The following MON2 variants were observed in gnomAD, a reference collection of about 807,000 sequenced individuals.
MON2 encodes MON2 regulator of endosome-to-Golgi trafficking.
MON2 carries 84 observed loss-of-function variants against 208.6 expected under a neutral mutation model. The observed-to-expected ratio is 0.40, with a 90% CI of 0.34 to 0.48. The LOEUF is 0.48. MON2 is among the 20% of genes least tolerant of loss of function. The pLI is 0.59. For synonymous variants in MON2, 660 were observed against 694.0 expected (o/e 0.95, Z 0.77); for missense variants, 1,611 against 2,015.4 (o/e 0.80, Z 3.84).
chr12:62,560,608 T>C lies in MON2; in HGVS notation c.3527T>C (p.Val1176Ala), dbSNP rs1369361884. The change falls in exon 26 of 35, where the codon GTG becomes GCG. Residue 1176 changes from valine to alanine, a missense_variant. Val to Ala is a moderately conservative substitution (Grantham distance 64). Coordinates refer to ENST00000393630, the MANE Select transcript of MON2 (RefSeq NM_015026.3). ...AGCTTCCAGGAAATTTTACAGATTG[T>C]GTCCCCTGTCAGAGACTCAGATAAG... ...LKSFQEILQI[V>A]SPVRDSDKPE... 2.5e-6 allele frequency: 4 copies of C among 1,614,028 alleles called. No homozygotes were observed. Among genetic ancestry groups the C allele is most frequent in the Non-Finnish European group, 3.4e-6 (4 of 1,180,012 alleles).
intron 24 of MON2, among the ~76,000 whole-genome samples, chr12:62,555,239 G>T (rs2073914652): frequency 6.6e-6 from 1 of 151,562 alleles, no homozygotes; most frequent in South Asian, 2.1e-4. Context: ...GCAGTGGCAT[G>T]ATCACAGCTC....
chr12:62,596,166 C>T lies in MON2; in HGVS notation c.*3417C>T, dbSNP rs1409585621. 6.6e-6 allele frequency: 1 copy of T among 152,158 alleles called. No homozygotes were observed. The highest frequency in any genetic ancestry group is 1.5e-5 in the Non-Finnish European group (1 of 68,022). 9.4% of individuals were successfully genotyped at this position (152,158 alleles called of 1,614,324 possible). A position where few individuals can be genotyped will look rare whatever the true frequency, so the allele number is the denominator to read the frequency against. On this transcript the variant is annotated 3_prime_UTR_variant, in exon 35 of 35. Coordinates refer to ENST00000393630, the MANE Select transcript of MON2 (RefSeq NM_015026.3). Reference sequence around the variant, plus strand: ...GGATGAATTAGCATAAGTTATGGAACAGTGTTAGAAAACAACTCAAAAGTA... The same window carrying T: ...GGATGAATTAGCATAAGTTATGGAATAGTGTTAGAAAACAACTCAAAAGTA...
chr12:62,486,248 CTT>C (rs966920137), intron 2 of MON2, among the ~76,000 whole-genome samples: 1 of 127,910 alleles, frequency 7.8e-6, no homozygotes, highest in Non-Finnish European at 1.9e-5. Flanking sequence ...TTGTGGAAGA[CTT>C]TTTTTAAAAA....
intron 25 of MON2, among the ~76,000 whole-genome samples, chr12:62,557,030 G>A (rs2073993022): frequency 6.6e-6 from 1 of 151,886 alleles, no homozygotes; most frequent in Non-Finnish European, 1.5e-5. Context: ...GGTTGCTGCA[G>A]TTAGCCAAGA....
chr12:62,578,955 G>T (rs970690417), intron 31 of MON2, among the ~76,000 whole-genome samples: 1 of 152,082 alleles, frequency 6.6e-6, no homozygotes, highest in Non-Finnish European at 1.5e-5. Flanking sequence ...ATATTTTGAG[G>T]CTGGGAACTG....
At chr12:62,513,506 A>G (rs1387911685) in intron 8 of MON2, among the ~76,000 whole-genome samples, 2 of 151,868 alleles carry the variant, frequency 1.3e-5, no homozygotes, top group Non-Finnish European at 2.9e-5. Context: ...GATTATAGGC[A>G]TGAGCCACTG....
intron 32 of MON2, among the ~76,000 whole-genome samples, chr12:62,583,382 A>G (rs10877881): frequency 0.38 from 57,734 of 151,804 alleles, 11,305 homozygotes; most frequent in African/African-American, 0.47. Flanking sequence ...CTAAAGATGT[A>G]GAGTTCAGTG....
intron 26 of MON2, 121 bp from the exon 27 acceptor site, chr12:62,565,116 A>G (rs942174060): frequency 1.7e-5 from 16 of 935,202 alleles, no homozygotes; most frequent in Non-Finnish European, 2.4e-5. Context: ...CTCAGAAAAG[A>G]TGGTATAATA....
At chr12:62,536,153 T>C (rs550500083) in intron 14 of MON2, among the ~76,000 whole-genome samples, 2 of 152,146 alleles carry the variant, frequency 1.3e-5, no homozygotes, top group African/African-American at 4.8e-5. Flanking sequence ...AAACAATAAT[T>C]GTGAGAGGAA....
chr12:62,497,163 TG>T (rs1164744284), intron 4 of MON2, among the ~76,000 whole-genome samples: 2 of 69,054 alleles, frequency 2.9e-5, no homozygotes, highest in African/African-American at 1.2e-4. Context: ...GTTGTGGGGT[TG>T]GGGGAGGGGG....
Position 62,483,429 on chromosome 12 carries a change from G to A in MON2, c.112-741G>A, listed in dbSNP as rs1692772. 2.9e-3 allele frequency among the ~76,000 whole-genome samples: 435 copies of A among 152,214 alleles called. 5 individuals are homozygous for A. Among genetic ancestry groups the A allele is most frequent in the African/African-American group, 9.9e-3 (413 of 41,526 alleles). Reference sequence around the variant, plus strand: ...TAAAATCCAACACAGGTCTGGGCACGGTGGCCCATGCCTGTAATCCTGGCA... The same window carrying A: ...TAAAATCCAACACAGGTCTGGGCACAGTGGCCCATGCCTGTAATCCTGGCA... On this transcript the variant is annotated intron_variant, in intron 1 of 34. Coordinates refer to ENST00000393630, the MANE Select transcript of MON2 (RefSeq NM_015026.3).
intron 8 of MON2, among the ~76,000 whole-genome samples, chr12:62,513,507 T>C (rs1428748395): frequency 6.6e-6 from 1 of 151,934 alleles, no homozygotes; most frequent in Non-Finnish European, 1.5e-5. Flanking sequence ...ATTATAGGCA[T>C]GAGCCACTGC....
intron 14 of MON2, among the ~76,000 whole-genome samples, chr12:62,536,287 C>T (rs1026811495): frequency 2.6e-5 from 4 of 151,724 alleles, no homozygotes; most frequent in Non-Finnish European, 5.9e-5. Flanking sequence ...AACTTACATT[C>T]AAAAATTTAT....
At chr12:62,479,477 G>C (rs2069280441) in intron 1 of MON2, among the ~76,000 whole-genome samples, 2 of 138,348 alleles carry the variant, frequency 1.4e-5, no homozygotes, top group Non-Finnish European at 3.0e-5. Flanking sequence ...GGTTGAATCT[G>C]CAGATGCAAA....
chr12:62,560,562 G>A lies in MON2; in HGVS notation c.3481G>A (p.Val1161Ile). 2 of 1,613,948 alleles carry A rather than the reference G, an allele frequency of 1.2e-6. No individual in the cohort carries two copies. The highest frequency in any genetic ancestry group is 1.7e-6 in the Non-Finnish European group (2 of 1,179,972). The change falls in exon 26 of 35, where the codon GTA becomes ATA. Residue 1161 changes from valine to isoleucine, a missense_variant. Coordinates refer to ENST00000393630, the MANE Select transcript of MON2 (RefSeq NM_015026.3). ...QSAALSKNNE[V>I]SLAALKSFQE... Reference sequence around the variant, plus strand: ...AGCAGCACTCAGCAAAAACAATGAAGTATCTCTGGCTGCTCTGAAAAGCTT... The same window carrying A: ...AGCAGCACTCAGCAAAAACAATGAAATATCTCTGGCTGCTCTGAAAAGCTT...
chr12:62,501,862 G>A (rs2070850499), intron 7 of MON2, among the ~76,000 whole-genome samples, 164 bp downstream of exon 7: 3 of 152,052 alleles, frequency 2.0e-5, no homozygotes, highest in Non-Finnish European at 2.9e-5. Context: ...GAGGTGGGAG[G>A]ATTGCTTGAG....
chr12:62,561,263 T>C, intron 26 of MON2, 150 bp downstream of exon 26: 1 of 636,884 alleles, frequency 1.6e-6, no homozygotes, highest in Non-Finnish European at 2.5e-6. Flanking sequence ...AAGATCTAGG[T>C]ATTTTGAAAA....
At position 62,598,124 on chromosome 12, in the gene MON2, A is replaced by G. The variant is rs1418255355; in HGVS notation, c.*5375A>G. 3 of 152,160 alleles carry G rather than the reference A, an allele frequency of 2.0e-5. No individual in the cohort carries two copies. The highest frequency in any genetic ancestry group is 7.2e-5 in the African/African-American group (3 of 41,452). 9.4% of individuals were successfully genotyped at this position (152,160 alleles called of 1,614,324 possible). ...TCTTTGATGGAAGACCCGGAATCTT[A>G]TAGTTCTCATATCTGAGTCTTTCTG... On this transcript the variant is annotated 3_prime_UTR_variant, in exon 35 of 35. Transcript: ENST00000393630.
At chr12:62,497,966 C>T (rs1302538010) in intron 4 of MON2, among the ~76,000 whole-genome samples, 1 of 152,090 alleles carries the variant, frequency 6.6e-6, no homozygotes. Flanking sequence ...ATGACCCATC[C>T]ATTTCACTTC....
Sources: gnomAD v4.1 joint callset for allele counts (sites outside exome capture counted in the v4.1 genomes callset) on GRCh38, gnomAD v4.1.1 for gene constraint, MANE v1.5 for transcripts, NCBI Gene and HGNC (gene_info 2026-07-23, HGNC 2026-07-21) for gene names.